Variants in NMT1 observed in about 807,000 individuals in gnomAD.
NMT1 encodes the protein N-myristoyltransferase 1.
NMT1 carries 12 observed loss-of-function variants against 63.4 expected under a neutral mutation model. That is an observed-to-expected ratio of 0.19 (90% CI 0.12 to 0.31). NMT1 has a LOEUF of 0.31. Ranked by LOEUF, NMT1 falls within the 10% of genes least tolerant of loss-of-function variation. NMT1 has a pLI of 1.00. For missense variants in NMT1, 432 were observed against 634.6 expected (o/e 0.68, Z 3.43); for synonymous variants, 228 against 234.3 (o/e 0.97, Z 0.25).
intron 1 of NMT1, among the ~76,000 whole-genome samples, chr17:45,063,204 CAAAAAAAA>C (rs5820561): frequency 5.0e-5 from 4 of 79,994 alleles, no homozygotes; most frequent in Admixed American, 4.6e-4. Flanking sequence ...GACTCCGACT[CAAAAAAAA>C]AAAAAAAAAA....
chr17:45,081,642 A>G lies in NMT1; in HGVS notation c.132-2A>G. 1 of 1,607,868 alleles carries G rather than the reference A, an allele frequency of 6.2e-7. No individual in the cohort carries two copies. Among genetic ancestry groups the G allele is most frequent in the Non-Finnish European group, 8.5e-7 (1 of 1,178,150 alleles). On this transcript the variant is annotated splice_acceptor_variant, in intron 1 of 11. Transcript: ENST00000258960. LOFTEE classifies it high-confidence loss of function. ...TGCATTAGTATTTACTTTTTGTTACAGTGGTTTGAGTCCAGCCAATGACAC... is the reference window on the plus strand; with the variant it reads ...TGCATTAGTATTTACTTTTTGTTACGGTGGTTTGAGTCCAGCCAATGACAC...
Position 45,097,231 on chromosome 17 carries a change from C to G in NMT1, c.700C>G (p.His234Asp). Residue 234 changes from histidine (H) to aspartate (D), a missense_variant, in exon 6 of 12, where the codon CAT becomes GAT. By Grantham distance (81) the His-to-Asp change is moderately conservative. This residue lies in a region of NMT1 where 295 missense variants were observed against 489.7 expected (regional missense o/e 0.60). Transcript: ENST00000258960. ...CATTAGCGCCATCCCAGCAAACATC[C>G]ATATCTATGACACGTAAGCACCTGC... ...GFISAIPANI[H>D]IYDTEKKMVE... 3 of 1,613,418 alleles carry G rather than the reference C, an allele frequency of 1.9e-6. No individual in the cohort carries two copies. Among genetic ancestry groups the G allele is most frequent in the Non-Finnish European group, 2.5e-6 (3 of 1,179,366 alleles).
chr17:45,097,306 A>G, intron 6 of NMT1, 62 bp downstream of exon 6: 1 of 1,272,450 alleles, frequency 7.9e-7, no homozygotes, highest in East Asian at 2.3e-5. Flanking sequence ...TCTGGGAGAG[A>G]GTAGAAAAAG....
At chr17:45,098,315 T>A in intron 6 of NMT1, 67 bp from the exon 7 acceptor site, 1 of 1,510,306 alleles carries the variant, frequency 6.6e-7, no homozygotes. Context: ...TGGCTGCACG[T>A]GCTTGATGGG....
intron 1 of NMT1, among the ~76,000 whole-genome samples, chr17:45,080,087 G>A (rs2054005538): frequency 6.6e-6 from 1 of 152,098 alleles, no homozygotes; most frequent in African/African-American, 2.4e-5. Flanking sequence ...GGTTTTGCCA[G>A]TGGTGATCCC....
chr17:45,074,981 A>G (rs1366974031), intron 1 of NMT1, among the ~76,000 whole-genome samples: 1 of 152,184 alleles, frequency 6.6e-6, no homozygotes, highest in Non-Finnish European at 1.5e-5. Context: ...TTGGAGGCCA[A>G]GGCAGGAGGA....
Position 45,105,135 on chromosome 17 carries a change from C to G in NMT1, c.1470+139C>G, listed in dbSNP as rs1026348671. ...AGTTGAACCTTTGAAAATGCCCTCCCTCTGCTGGCCAGACCAGCAGGTCAG... is the reference window on the plus strand; with the variant it reads ...AGTTGAACCTTTGAAAATGCCCTCCGTCTGCTGGCCAGACCAGCAGGTCAG... On this transcript the variant is annotated intron_variant, in intron 11 of 11. Transcript: ENST00000258960. The surrounding 1 kb of genome is among the most constrained non-coding windows in gnomAD (Gnocchi z 4.2). 4 of 1,113,760 alleles carry G rather than the reference C, an allele frequency of 3.6e-6. No homozygotes were observed. The highest frequency in any genetic ancestry group is 5.1e-6 in the Non-Finnish European group (4 of 783,606). The allele number at this position is 1,113,760 out of a possible 1,614,324, so 69.0% of individuals were successfully genotyped here. A position where few individuals can be genotyped will look rare whatever the true frequency, so the allele number is the denominator to read the frequency against.
At chr17:45,061,626 A>G (rs2053859829) in intron 1 of NMT1, 166 bp downstream of exon 1, 1 of 609,540 alleles carries the variant, frequency 1.6e-6, no homozygotes, top group Non-Finnish European at 2.9e-6. Context: ...TCATTTACCA[A>G]GGGTGGGTGC....
chr17:45,063,051 A>C (rs1230316142), intron 1 of NMT1, among the ~76,000 whole-genome samples: 1 of 151,788 alleles, frequency 6.6e-6, no homozygotes, highest in Non-Finnish European at 1.5e-5. Context: ...AAAAATACAA[A>C]AAATTTAGCC....
Position 45,104,728 on chromosome 17 carries a change from A to G in NMT1, c.1333-131A>G. 6.7e-7 allele frequency: 1 copy of G among 1,496,636 alleles called. No homozygotes were observed. The highest frequency in any genetic ancestry group is 8.9e-7 in the Non-Finnish European group (1 of 1,124,198). 92.7% of individuals were successfully genotyped at this position (1,496,636 alleles called of 1,614,324 possible). On this transcript the variant is annotated intron_variant, in intron 10 of 11. Coordinates refer to ENST00000258960, the MANE Select transcript of NMT1 (RefSeq NM_021079.5). This position sits in a 1 kb window ranked among gnomAD's most constrained non-coding sequence, Gnocchi z 4.2. Reference sequence around the variant, plus strand: ...GGAGAGCGGGGATTAACGTGGAAGCAGCGGAGCTTCTGAGGGAACCTTGTT... The same window carrying G: ...GGAGAGCGGGGATTAACGTGGAAGCGGCGGAGCTTCTGAGGGAACCTTGTT...
At chr17:45,099,129 C>T (rs1438213341) in intron 7 of NMT1, among the ~76,000 whole-genome samples, 2 of 152,150 alleles carry the variant, frequency 1.3e-5, no homozygotes, top group Admixed American at 1.3e-4. Context: ...TGACTTGATT[C>T]TAGGAGTGAG....
chr17:45,087,602 G>A (rs949473242), intron 3 of NMT1, among the ~76,000 whole-genome samples: 1 of 152,218 alleles, frequency 6.6e-6, no homozygotes, highest in African/African-American at 2.4e-5. Context: ...AGTTTCTGAA[G>A]TGGTTGTAAC....
At chr17:45,096,930 G>A (rs1049759372) in intron 5 of NMT1, among the ~76,000 whole-genome samples, 198 bp from the exon 6 acceptor site, 1 of 152,246 alleles carries the variant, frequency 6.6e-6, no homozygotes, top group Non-Finnish European at 1.5e-5. Flanking sequence ...TGAGTAACTA[G>A]GCCAAATGGG....
chr17:45,082,087 C>T (rs2054020543), intron 2 of NMT1, among the ~76,000 whole-genome samples: 2 of 152,060 alleles, frequency 1.3e-5, no homozygotes, highest in African/African-American at 4.8e-5. Flanking sequence ...GTCTTAAGTC[C>T]CCACCGCTCT....
Position 45,106,676 on chromosome 17 carries a change from C to G in NMT1, c.*1037C>G, listed in dbSNP as rs2054204535. 1 of 152,878 alleles carries G rather than the reference C, an allele frequency of 6.5e-6. No individual in the cohort carries two copies. Among genetic ancestry groups the G allele is most frequent in the African/African-American group, 2.4e-5 (1 of 41,592 alleles). 9.5% of individuals were successfully genotyped at this position (152,878 alleles called of 1,614,324 possible). On this transcript the variant is annotated 3_prime_UTR_variant, in exon 12 of 12. Transcript: ENST00000258960. ...TGGCGTGGGGCCAATACCCAGACCC[C>G]TTCAGCCACCAGCCCCTGGCCTGTG...
At chr17:45,080,660 G>A (rs1431730211) in intron 1 of NMT1, among the ~76,000 whole-genome samples, 1 of 151,002 alleles carries the variant, frequency 6.6e-6, no homozygotes, top group African/African-American at 2.4e-5. Context: ...TAGTAGAGAT[G>A]GGGTTTCAAC....
At chr17:45,076,479 G>A (rs889664999) in intron 1 of NMT1, among the ~76,000 whole-genome samples, 3 of 151,734 alleles carry the variant, frequency 2.0e-5, no homozygotes, top group Non-Finnish European at 2.9e-5. Context: ...GCCAGGCACG[G>A]TGGCTCATGC....
At chr17:45,076,078 A>G (rs979729984) in intron 1 of NMT1, among the ~76,000 whole-genome samples, 2 of 152,246 alleles carry the variant, frequency 1.3e-5, no homozygotes, top group East Asian at 3.9e-4. Context: ...TCAAAAACAA[A>G]AAACATGAAT....
chr17:45,065,191 G>A (rs1484826220), intron 1 of NMT1, among the ~76,000 whole-genome samples: 1 of 152,126 alleles, frequency 6.6e-6, no homozygotes, highest in Non-Finnish European at 1.5e-5. Flanking sequence ...TGAATGAATG[G>A]CAGATATTAA....
Sources: gnomAD v4.1 joint callset for allele counts (sites outside exome capture counted in the v4.1 genomes callset) on GRCh38, gnomAD v4.1.1 for gene constraint, gnomAD v4.1.1 regional missense constraint, Gnocchi (gnomAD v3.1) non-coding constraint, MANE v1.5 for transcripts, NCBI Gene and HGNC (gene_info 2026-07-23, HGNC 2026-07-21) for gene names.